The following ARFGAP2 variants were observed in gnomAD, a reference collection of about 807,000 sequenced individuals.
ARFGAP2 encodes the protein ADP-ribosylation factor GTPase-activating protein 2.
A neutral mutation model predicts 71.9 loss-of-function variants in ARFGAP2; 45 were observed. The observed-to-expected ratio is 0.63, with a 90% confidence interval of 0.49 to 0.80. The LOEUF (loss-of-function observed/expected upper bound fraction) is 0.80. Ranked by LOEUF, ARFGAP2 falls within the 30% of genes least tolerant of loss-of-function variation. ARFGAP2 has a pLI of 0.00. For missense variants in ARFGAP2, 633 were observed against 673.9 expected, an observed-to-expected ratio of 0.94 and a Z score of 0.67; for synonymous variants, 248 against 249.2, an observed-to-expected ratio of 1.00 and a Z score of 0.05.
intron 12 of ARFGAP2, among the ~76,000 whole-genome samples, chr11:47,167,547 A>G (rs578230205): frequency 6.6e-6 from 1 of 152,300 alleles, no homozygotes; most frequent in South Asian, 2.1e-4. Flanking sequence ...TGAAGCATAC[A>G]ATCAGGCTCC....
intron 6 of ARFGAP2, 59 bp downstream of exon 6, chr11:47,173,700 C>A (rs1210875410): frequency 1.3e-6 from 2 of 1,535,778 alleles, no homozygotes; most frequent in African/African-American, 2.7e-5. Flanking sequence ...TGTCCCCTTC[C>A]AAACCCTGAG....
rs1418992515 is a variant in ARFGAP2 at position 47,165,252 on chromosome 11, G to A, written c.*230C>T. ...ACAGAAGGACAAGAGTCTAACACAC[G>A]GAGGGTGGTGTGAGAGGGAATAAAG... On this transcript the variant is annotated 3_prime_UTR_variant, in exon 16 of 16. Transcript: ENST00000524782. The A allele has an allele frequency of 1.9e-5, 8 of 421,538 alleles. No homozygotes were observed. The highest frequency in any genetic ancestry group is 8.6e-5 in the Admixed American group (2 of 23,282). 26.1% of individuals were successfully genotyped at this position (421,538 alleles called of 1,614,324 possible). A position where few individuals can be genotyped will look rare whatever the true frequency, so the allele number is the denominator to read the frequency against.
At chr11:47,170,782 C>T (rs1316495819) in intron 10 of ARFGAP2, among the ~76,000 whole-genome samples, 2 of 151,916 alleles carry the variant, frequency 1.3e-5, no homozygotes, top group South Asian at 2.1e-4. Context: ...CCTGTCTCTA[C>T]AAAAAGTAAA....
At chr11:47,172,900 T>G in intron 7 of ARFGAP2, 1 of 721,296 alleles carries the variant, frequency 1.4e-6, no homozygotes, top group Non-Finnish European at 2.0e-6. Context: ...TCTGCTGGGT[T>G]CCAGCCCCAA....
At chr11:47,170,030 C>A (rs1952531579) in intron 10 of ARFGAP2, among the ~76,000 whole-genome samples, 1 of 151,954 alleles carries the variant, frequency 6.6e-6, no homozygotes, top group African/African-American at 2.4e-5. Context: ...GTGGCTCACG[C>A]CCGTAATCCA....
intron 2 of ARFGAP2, 141 bp downstream of exon 2, chr11:47,176,358 ACAGGTGGTTCCCTCTGG>A (rs972800952): frequency 1.4e-6 from 1 of 710,054 alleles, no homozygotes; most frequent in African/African-American, 1.8e-5. Context: ...AAGGGCCCAC[ACAGGTGGTTCCCTCTGG>A]CAGGAGGCTA....
chr11:47,171,571 A>G lies in ARFGAP2; in HGVS notation c.810-14T>C. ...ATGGAGGCGACCCTTAGGGGGAACA[A>G]AGGTGTCAGTGGCCACCACCCATCC... On this transcript the variant is annotated splice_polypyrimidine_tract_variant and intron_variant, in intron 9 of 15. Transcript: ENST00000524782. The G allele has an allele frequency of 6.2e-7, 1 of 1,614,150 alleles. No individual in the cohort carries two copies. The highest frequency in any genetic ancestry group is 8.5e-7 in the Non-Finnish European group (1 of 1,180,008).
At chr11:47,171,896 C>A in intron 8 of ARFGAP2, 96 bp from the exon 9 acceptor site, 1 of 1,515,364 alleles carries the variant, frequency 6.6e-7, no homozygotes, top group Non-Finnish European at 8.8e-7. Context: ...AGGAAAAGGC[C>A]CTTCTTAAAA....
chr11:47,173,623 G>C, intron 6 of ARFGAP2, 136 bp downstream of exon 6: 2 of 1,408,050 alleles, frequency 1.4e-6, no homozygotes, highest in Non-Finnish European at 1.9e-6. Flanking sequence ...CTTCCTCCAA[G>C]GATTAAAATG....
chr11:47,176,296 C>T, intron 2 of ARFGAP2: 1 of 599,710 alleles, frequency 1.7e-6, no homozygotes, highest in Non-Finnish European at 3.0e-6. Flanking sequence ...GCCTGACCGT[C>T]AAAAAAGAGG....
chr11:47,166,070 G>A (rs932379816), intron 15 of ARFGAP2, among the ~76,000 whole-genome samples, 198 bp downstream of exon 15: 1 of 152,130 alleles, frequency 6.6e-6, no homozygotes, highest in Non-Finnish European at 1.5e-5. Context: ...TGCCATGTTG[G>A]TCAGGCTGGT....
At chr11:47,176,173 C>A in intron 2 of ARFGAP2, 1 of 593,538 alleles carries the variant, frequency 1.7e-6, no homozygotes, top group Non-Finnish European at 3.0e-6. Flanking sequence ...CTGGATTTGG[C>A]TTTCCCCTAA....
intron 10 of ARFGAP2, among the ~76,000 whole-genome samples, chr11:47,171,096 T>G (rs992086320): frequency 1.3e-5 from 2 of 152,152 alleles, no homozygotes; most frequent in Non-Finnish European, 2.9e-5. Flanking sequence ...AGGATGATAC[T>G]AAATGCACCG....
chr11:47,176,686 G>A (rs898772316), intron 1 of ARFGAP2, 52 bp from the exon 2 acceptor site: 21 of 1,611,426 alleles, frequency 1.3e-5, no homozygotes, highest in Middle Eastern at 3.3e-4. Context: ...GTAAAGGCCA[G>A]GCACCGACAC....
At position 47,165,118 on chromosome 11, in the gene ARFGAP2, A is replaced by G. The variant is rs932823723; in HGVS notation, c.*364T>C. The stretch of plus-strand genomic sequence containing the variant: ...CTAGAGCCAGCAAAAAAAGCCTTCT[A>G]CCTTCCGCTTTCCCTACCTGGGGAA... On this transcript the variant is annotated 3_prime_UTR_variant, in exon 16 of 16. Transcript: ENST00000524782. 1.9e-5 allele frequency: 5 copies of G among 269,082 alleles called. No individual in the cohort carries two copies. Among genetic ancestry groups the G allele is most frequent in the African/African-American group, 1.1e-4 (5 of 45,368 alleles). 16.7% of individuals were successfully genotyped at this position (269,082 alleles called of 1,614,324 possible).
At chr11:47,174,808 C>T (rs1343068638) in intron 5 of ARFGAP2, 6 of 600,186 alleles carry the variant, frequency 1.0e-5, no homozygotes, top group East Asian at 8.4e-5. Flanking sequence ...TTATAGGAGT[C>T]GATTTCTAAG....
At chr11:47,168,516 A>G in intron 10 of ARFGAP2, 1 of 318,798 alleles carries the variant, frequency 3.1e-6, no homozygotes, top group Non-Finnish European at 5.8e-6. Flanking sequence ...TGCCTGTTAT[A>G]ATTTAATTTT....
chr11:47,173,364 A>C, intron 7 of ARFGAP2, 62 bp downstream of exon 7: 1 of 1,541,268 alleles, frequency 6.5e-7, no homozygotes, highest in Non-Finnish European at 8.8e-7. Context: ...AGGACCTCTG[A>C]AAAGAACATT....
In ARFGAP2 at chr11:47,175,107, G is replaced by A. The variant is rs1451085391; in HGVS notation, c.397-9C>T. On this transcript the variant is annotated splice_polypyrimidine_tract_variant and intron_variant, in intron 4 of 15. Coordinates refer to ENST00000524782, the MANE Select transcript of ARFGAP2 (RefSeq NM_032389.6). ...ATGTTGTCTATCCAAAGCTAGAAAG[G>A]AGAAGACACCCCTAAAACACAGGGC... The A allele has an allele frequency of 1.2e-6, 2 of 1,614,000 alleles. No homozygotes were observed. The highest frequency in any genetic ancestry group is 1.7e-6 in the Non-Finnish European group (2 of 1,180,038).
Sources: gnomAD v4.1 joint callset for allele counts (sites outside exome capture counted in the v4.1 genomes callset) on GRCh38, gnomAD v4.1.1 for gene constraint, MANE v1.5 for transcripts, NCBI Gene and HGNC (gene_info 2026-07-23, HGNC 2026-07-21) for gene names.